LCORL: variants seen among roughly 807,000 people sequenced by gnomAD.
LCORL encodes the protein ligand dependent nuclear receptor corepressor like.
A neutral mutation model predicts 141.8 loss-of-function variants in LCORL; 41 were observed. That is an observed-to-expected ratio of 0.29 (90% CI 0.23 to 0.38). LCORL has a LOEUF of 0.38. LCORL is among the 10% of genes least tolerant of loss of function. The probability of loss-of-function intolerance (pLI) is 1.00; values close to 1 mark genes in which losing one functional copy is unlikely to be tolerated. For missense variants in LCORL, 1,759 were observed against 2,035.0 expected, an observed-to-expected ratio of 0.86 and a Z score of 2.61; for synonymous variants, 618 against 694.1, an observed-to-expected ratio of 0.89 and a Z score of 1.72.
At chr4:17,966,653 C>T (rs1207073459) in intron 2 of LCORL, among the ~76,000 whole-genome samples, 1 of 152,104 alleles carries the variant, frequency 6.6e-6, no homozygotes, top group Non-Finnish European at 1.5e-5. Flanking sequence ...AGATACATCA[C>T]CCAAGAAGAT....
intron 1 of LCORL, among the ~76,000 whole-genome samples, chr4:17,990,143 G>T (rs548318986): frequency 2.3e-4 from 31 of 137,404 alleles, no homozygotes; most frequent in African/African-American, 8.3e-4. Flanking sequence ...CTGTCACCCA[G>T]GCTGGAGTGC....
chr4:17,921,078 C>T (rs1734219514), intron 4 of LCORL, among the ~76,000 whole-genome samples: 1 of 152,098 alleles, frequency 6.6e-6, no homozygotes, highest in African/African-American at 2.4e-5. Context: ...GGGTGGAGGG[C>T]AGTGGCGCAA....
intron 1 of LCORL, among the ~76,000 whole-genome samples, chr4:17,995,267 T>C (rs550878704): frequency 2.4e-4 from 37 of 152,108 alleles, no homozygotes; most frequent in African/African-American, 8.9e-4. Context: ...CAGATGTATT[T>C]TCTGCTATGA....
intron 7 of LCORL, among the ~76,000 whole-genome samples, chr4:17,870,543 T>C (rs1726221928): frequency 6.6e-6 from 1 of 152,180 alleles, no homozygotes; most frequent in Non-Finnish European, 1.5e-5. Context: ...TCTACTGGAA[T>C]TGGCTATCCA....
At chr4:17,929,218 A>G (rs896044992) in intron 4 of LCORL, among the ~76,000 whole-genome samples, 9 of 152,210 alleles carry the variant, frequency 5.9e-5, no homozygotes, top group African/African-American at 1.9e-4. Flanking sequence ...ATTTTTATCA[A>G]CAGGTTCAAC....
chr4:17,899,829 A>AT (rs1730608840), intron 5 of LCORL, among the ~76,000 whole-genome samples: 1 of 152,208 alleles, frequency 6.6e-6, no homozygotes, highest in Non-Finnish European at 1.5e-5. Context: ...TGCTTCATGC[A>AT]CAAAATTATT....
At chr4:17,893,290 A>G (rs770235574) in intron 5 of LCORL, 64 of 715,438 alleles carry the variant, frequency 8.9e-5, no homozygotes, top group Non-Finnish European at 1.0e-4. Context: ...ATTAAGATTG[A>G]GTTTAAAACC....
intron 1 of LCORL, among the ~76,000 whole-genome samples, chr4:17,985,274 G>A (rs974985189): frequency 2.6e-5 from 4 of 151,986 alleles, no homozygotes; most frequent in African/African-American, 9.7e-5. Flanking sequence ...GTCCCGTAGA[G>A]GTCTATCAGA....
At chr4:17,870,290 GATGGGGTCCCGCT>G (rs1220125340) in intron 7 of LCORL, among the ~76,000 whole-genome samples, 1 of 152,162 alleles carries the variant, frequency 6.6e-6, no homozygotes, top group Non-Finnish European at 1.5e-5. Flanking sequence ...GTTTTGCAGA[GATGGGGTCCCGCT>G]ATGTTGCCCA....
intron 1 of LCORL, among the ~76,000 whole-genome samples, chr4:18,011,989 A>G (rs1051541116): frequency 6.6e-6 from 1 of 152,238 alleles, no homozygotes; most frequent in Non-Finnish European, 1.5e-5. Flanking sequence ...TTTAAAAGCA[A>G]GGTAAATCCT....
intron 1 of LCORL, among the ~76,000 whole-genome samples, chr4:17,981,263 T>C (rs2109720721): frequency 6.6e-6 from 1 of 152,244 alleles, no homozygotes; most frequent in South Asian, 2.1e-4. Flanking sequence ...TATTTTAAAC[T>C]TTACTACAAT....
At chr4:17,940,601 T>C (rs1560376807) in intron 4 of LCORL, among the ~76,000 whole-genome samples, 1 of 149,020 alleles carries the variant, frequency 6.7e-6, no homozygotes. Flanking sequence ...GTTGAGAATG[T>C]AAAAAATAAT....
intron 4 of LCORL, among the ~76,000 whole-genome samples, chr4:17,939,502 G>C (rs920810585): frequency 1.3e-5 from 2 of 152,018 alleles, no homozygotes; most frequent in Non-Finnish European, 2.9e-5. Context: ...GTCTAAAAAA[G>C]AGACTTACAC....
intron 1 of LCORL, among the ~76,000 whole-genome samples, chr4:18,019,968 C>T (rs1725226553): frequency 6.6e-6 from 1 of 151,704 alleles, no homozygotes; most frequent in South Asian, 2.1e-4. Context: ...TTTTTTTTTA[C>T]ACTTCATAAA....
exon 8 of LCORL, chr4:17,841,263 A>C (rs954383425): frequency 6.6e-6 from 1 of 152,002 alleles, no homozygotes; most frequent in African/African-American, 2.4e-5. Context: ...GAAGAATCAG[A>C]AAGTACATCC....
chr4:17,944,343 C>T (rs1336136051), intron 4 of LCORL, among the ~76,000 whole-genome samples: 1 of 152,132 alleles, frequency 6.6e-6, no homozygotes. Context: ...CTATCCCATT[C>T]CACATTTTTT....
At chr4:17,985,124 C>T (rs987631677) in intron 1 of LCORL, among the ~76,000 whole-genome samples, 2 of 151,852 alleles carry the variant, frequency 1.3e-5, no homozygotes, top group Non-Finnish European at 2.9e-5. Flanking sequence ...GAGCTGTGGT[C>T]TGAGAGTTTT....
At chr4:17,916,633 A>G (rs969220395) in intron 4 of LCORL, among the ~76,000 whole-genome samples, 16 of 150,832 alleles carry the variant, frequency 1.1e-4, no homozygotes, top group Non-Finnish European at 2.2e-4. Flanking sequence ...AGCATGAGCC[A>G]ATTAAATGTC....
At chr4:17,900,102 G>A (rs1730648188) in intron 5 of LCORL, among the ~76,000 whole-genome samples, 1 of 151,454 alleles carries the variant, frequency 6.6e-6, no homozygotes, top group African/African-American at 2.4e-5. Context: ...TTTTCTTTTT[G>A]CTTTATATAC....
Sources: gnomAD v4.1 joint callset for allele counts (sites outside exome capture counted in the v4.1 genomes callset) on GRCh38, gnomAD v4.1.1 for gene constraint, MANE v1.5 for transcripts, NCBI Gene and HGNC (gene_info 2026-07-23, HGNC 2026-07-21) for gene names.